Variants in LRRC49 observed in about 807,000 individuals in gnomAD.
The protein encoded by LRRC49 is leucine rich repeat containing 49, also known as leucine-rich repeat-containing protein 49.
A neutral mutation model predicts 83.3 loss-of-function variants in LRRC49; 50 were observed. The observed-to-expected ratio is 0.60, with a 90% CI of 0.48 to 0.76. The LOEUF is 0.76. Ranked by LOEUF, LRRC49 falls within the 30% of genes least tolerant of loss-of-function variation. The probability of loss-of-function intolerance (pLI) is 0.00; values close to 1 mark genes in which losing one functional copy is unlikely to be tolerated. For synonymous variants in LRRC49, 286 were observed against 283.3 expected (o/e 1.01, Z -0.10); for missense variants, 704 against 809.1 (o/e 0.87, Z 1.58).
intron 2 of LRRC49, among the ~76,000 whole-genome samples, chr15:70,879,213 A>C (rs1156268368): frequency 6.6e-6 from 1 of 151,966 alleles, no homozygotes; most frequent in African/African-American, 2.4e-5. Context: ...TTCTTTTTTT[A>C]GTTTCCATCT....
intron 3 of LRRC49, chr15:70,898,468 G>C: frequency 1.4e-6 from 1 of 697,430 alleles, no homozygotes; most frequent in Non-Finnish European, 2.6e-6. Context: ...AAGTTAAATA[G>C]TAATATAAGA....
chr15:70,941,142 C>T (rs1246357326), intron 8 of LRRC49, among the ~76,000 whole-genome samples: 1 of 152,010 alleles, frequency 6.6e-6, no homozygotes, highest in African/African-American at 2.4e-5. Context: ...TTCTTTTAGT[C>T]AGAAAATAGG....
At chr15:70,998,047 A>T (rs1215346071) in intron 11 of LRRC49, among the ~76,000 whole-genome samples, 1 of 152,184 alleles carries the variant, frequency 6.6e-6, no homozygotes, top group Non-Finnish European at 1.5e-5. Flanking sequence ...AGTTAGAATT[A>T]ATACCAACCT....
intron 13 of LRRC49, among the ~76,000 whole-genome samples, chr15:71,012,058 G>A (rs185533018): frequency 1.1e-3 from 161 of 152,168 alleles, no homozygotes; most frequent in African/African-American, 3.7e-3. Context: ...AACTAAACAT[G>A]TCTCCAGACA....
chr15:70,887,555 C>G (rs115946645), upstream of LRRC49, among the ~76,000 whole-genome samples: 444 of 152,084 alleles, frequency 2.9e-3, 5 homozygotes, highest in African/African-American at 0.01. Context: ...ATAAAATTCA[C>G]CATTATTTAT....
intron 11 of LRRC49, among the ~76,000 whole-genome samples, chr15:70,987,064 A>C (rs532594160): frequency 0.015 from 2,226 of 152,230 alleles, 50 homozygotes; most frequent in African/African-American, 0.05. Flanking sequence ...TTTTTGCATC[A>C]ATGTTCATCA....
chr15:71,018,406 T>C (rs927380944), intron 14 of LRRC49, among the ~76,000 whole-genome samples: 1 of 152,166 alleles, frequency 6.6e-6, no homozygotes, highest in African/African-American at 2.4e-5. Flanking sequence ...ATGAGTTTGG[T>C]TGTTTTTACC....
At chr15:70,863,448 T>G (rs1170559293) in intron 1 of LRRC49, among the ~76,000 whole-genome samples, 1 of 152,252 alleles carries the variant, frequency 6.6e-6, no homozygotes, top group Non-Finnish European at 1.5e-5. Flanking sequence ...TCAAGTATTC[T>G]GGTCTAATAG....
At chr15:70,956,635 A>T (rs1156549296) in intron 8 of LRRC49, among the ~76,000 whole-genome samples, 1 of 152,022 alleles carries the variant, frequency 6.6e-6, no homozygotes, top group East Asian at 1.9e-4. Flanking sequence ...TGGTTAGGTA[A>T]AATATAACCC....
At chr15:70,958,026 T>A (rs187492961) in intron 8 of LRRC49, among the ~76,000 whole-genome samples, 2 of 152,320 alleles carry the variant, frequency 1.3e-5, no homozygotes, top group South Asian at 2.1e-4. Flanking sequence ...ACCATAACTC[T>A]AGTTGTTCAC....
chr15:71,012,993 A>C, intron 14 of LRRC49, 80 bp downstream of exon 14: 1 of 830,126 alleles, frequency 1.2e-6, no homozygotes, highest in Non-Finnish European at 2.0e-6. Flanking sequence ...CCTCCTAACT[A>C]TGCTAATTAT....
Position 70,973,376 on chromosome 15 carries a change from C to T in LRRC49, c.922-6725C>T, listed in dbSNP as rs151057679. On this transcript the variant is annotated intron_variant, in intron 9 of 15. Transcript: ENST00000260382. ...GGAAGCTTCATCCCAGAGGGGCACC[C>T]GCCAGATGCCAGTTGGAGCTCTCCT... Among the ~76,000 whole-genome samples the T allele has an allele frequency of 3.0e-3, 452 of 152,282 alleles. 1 individual carries two copies. Among genetic ancestry groups the T allele is most frequent in the Non-Finnish European group, 4.1e-3 (282 of 68,020 alleles).
intron 14 of LRRC49, among the ~76,000 whole-genome samples, chr15:71,014,509 A>G (rs1029990186): frequency 2.6e-5 from 4 of 152,180 alleles, no homozygotes; most frequent in Admixed American, 2.6e-4. Context: ...AAAGTCTTCT[A>G]TTAATAGATG....
chr15:71,036,503 T>C (rs935159506), intron 14 of LRRC49, among the ~76,000 whole-genome samples: 2 of 152,174 alleles, frequency 1.3e-5, no homozygotes, highest in Non-Finnish European at 2.9e-5. Flanking sequence ...TAGTATCATT[T>C]TGAGACACCC....
At chr15:70,915,959 A>G (rs925247197) in intron 6 of LRRC49, among the ~76,000 whole-genome samples, 43 of 152,204 alleles carry the variant, frequency 2.8e-4, no homozygotes, top group African/African-American at 1.0e-3. Flanking sequence ...TGAAATATAG[A>G]TTAGACATCT....
intron 11 of LRRC49, among the ~76,000 whole-genome samples, chr15:71,006,503 A>G (rs1433091245): frequency 1.3e-5 from 2 of 152,080 alleles, no homozygotes; most frequent in Non-Finnish European, 2.9e-5. Context: ...CTGTGTCTAT[A>G]TCACTGATTC....
At chr15:71,048,619 C>T (rs1031955456) in intron 15 of LRRC49, among the ~76,000 whole-genome samples, 128 of 152,118 alleles carry the variant, frequency 8.4e-4, no homozygotes, top group Admixed American at 8.2e-3. Context: ...CATGATTATG[C>T]CTTGATACTA....
At chr15:70,871,623 C>T (rs1288294661) in intron 1 of LRRC49, among the ~76,000 whole-genome samples, 1 of 151,954 alleles carries the variant, frequency 6.6e-6, no homozygotes, top group African/African-American at 2.4e-5. Flanking sequence ...GGCAGAGACG[C>T]TCCTCACTTC....
At chr15:70,863,899 C>T (rs2032854558) in intron 1 of LRRC49, among the ~76,000 whole-genome samples, 1 of 152,192 alleles carries the variant, frequency 6.6e-6, no homozygotes, top group African/African-American at 2.4e-5. Context: ...CGAGGGGAGG[C>T]ATTTTTTGCC....
Sources: allele counts gnomAD v4.1 joint callset (sites outside exome capture counted in the v4.1 genomes callset), GRCh38; gene constraint gnomAD v4.1.1; transcripts MANE v1.5; gene names NCBI Gene and HGNC (gene_info 2026-07-23, HGNC 2026-07-21).